Variants in DTWD2 observed in about 807,000 individuals in gnomAD.
DTWD2 encodes the protein tRNA-uridine aminocarboxypropyltransferase 2.
In DTWD2, 39 loss-of-function variants were observed where a neutral mutation model predicts 31.8. That is an observed-to-expected ratio of 1.22 (90% CI 0.95 to 1.60). The LOEUF is 1.60. Among genes scored for constraint, DTWD2 ranks in the 40% most tolerant of loss-of-function variants. DTWD2 has a pLI of 0.00. For synonymous variants in DTWD2, 180 were observed against 142.8 expected (o/e 1.26, Z -1.86); for missense variants, 515 against 381.5 (o/e 1.35, Z -2.92).
At chr5:118,878,460 T>A (rs938411573) in intron 4 of DTWD2, among the ~76,000 whole-genome samples, 15 of 152,204 alleles carry the variant, frequency 9.9e-5, no homozygotes, top group Non-Finnish European at 1.8e-4. Context: ...GCTAGTCATA[T>A]GCAGAAGATT....
At position 118,939,168 on chromosome 5, in the gene DTWD2, A is replaced by G. The variant is rs147646463; in HGVS notation, c.404+28T>C. The G allele has an allele frequency of 5.1e-6, 8 of 1,576,822 alleles. No homozygotes were observed. In the African/African-American group the frequency reaches 9.6e-5, roughly 19 times the overall value. On this transcript the variant is annotated intron_variant, in intron 3 of 5. Coordinates refer to ENST00000510708, the MANE Select transcript of DTWD2 (RefSeq NM_173666.4). ...TTTAAGATCTGTGTAGAAAAGAATTATTTACATTGCCCTAACAGTTAATTT... is the reference window on the plus strand; with the variant it reads ...TTTAAGATCTGTGTAGAAAAGAATTGTTTACATTGCCCTAACAGTTAATTT...
chr5:118,854,474 A>G (rs1449445485), intron 4 of DTWD2, among the ~76,000 whole-genome samples: 1 of 152,134 alleles, frequency 6.6e-6, no homozygotes, highest in Non-Finnish European at 1.5e-5. Flanking sequence ...TCCAAACATT[A>G]TGCCTCAATT....
intron 4 of DTWD2, among the ~76,000 whole-genome samples, chr5:118,925,561 G>A (rs1753791269): frequency 6.6e-6 from 1 of 152,148 alleles, no homozygotes; most frequent in Non-Finnish European, 1.5e-5. Flanking sequence ...AGAACTAAAA[G>A]TAGGCCAGGC....
At chr5:118,948,053 G>T (rs1219797664) in intron 1 of DTWD2, among the ~76,000 whole-genome samples, 1 of 152,088 alleles carries the variant, frequency 6.6e-6, no homozygotes, top group East Asian at 1.9e-4. Flanking sequence ...TCTACTAAAG[G>T]TTAGAAATCA....
At chr5:118,983,285 C>T (rs141567877) in intron 1 of DTWD2, among the ~76,000 whole-genome samples, 1 of 152,330 alleles carries the variant, frequency 6.6e-6, no homozygotes, top group African/African-American at 2.4e-5. Flanking sequence ...GCTTAACCAA[C>T]TGCTGCTCAG....
rs545845060 is a variant in DTWD2 at position 118,949,905 on chromosome 5, T to C, written c.219-5256A>G. Among the ~76,000 whole-genome samples the C allele has an allele frequency of 5.3e-5, 8 of 151,888 alleles. No homozygotes were observed. In the South Asian group the frequency reaches 1.7e-3, roughly 32 times the overall value. On this transcript the variant is annotated intron_variant, in intron 1 of 5. Transcript: ENST00000510708. ...GCACGTGGGGATAACTAAAAAGGAG[T>C]GCACAAAAGAATATTGTCTAAGCGG...
chr5:118,921,908 T>G (rs1753714324), intron 4 of DTWD2, among the ~76,000 whole-genome samples: 1 of 152,232 alleles, frequency 6.6e-6, no homozygotes, highest in African/African-American at 2.4e-5. Context: ...AACAGCTCTA[T>G]GTGGACACAA....
chr5:118,920,266 T>C (rs1753671995), intron 4 of DTWD2, among the ~76,000 whole-genome samples: 1 of 152,116 alleles, frequency 6.6e-6, no homozygotes, highest in East Asian at 1.9e-4. Flanking sequence ...AAAACTGGGG[T>C]ATCATATATA....
chr5:118,968,951 G>A (rs1031900367), intron 1 of DTWD2, among the ~76,000 whole-genome samples: 13 of 152,218 alleles, frequency 8.5e-5, no homozygotes, highest in African/African-American at 2.7e-4. Context: ...GGGCTTGGGA[G>A]TGGGGGCAGC....
At chr5:118,913,752 A>G (rs144767328) in intron 4 of DTWD2, among the ~76,000 whole-genome samples, 82 of 152,154 alleles carry the variant, frequency 5.4e-4, no homozygotes, top group African/African-American at 1.9e-3. Flanking sequence ...TTTAAACACA[A>G]TTTAAATAAC....
intron 4 of DTWD2, among the ~76,000 whole-genome samples, chr5:118,855,041 C>T (rs1490099023): frequency 6.6e-6 from 1 of 151,474 alleles, no homozygotes; most frequent in Non-Finnish European, 1.5e-5. Flanking sequence ...GTGGCATGCA[C>T]CTGTGGTCCC....
At chr5:118,917,715 T>C (rs1753610429) in intron 4 of DTWD2, among the ~76,000 whole-genome samples, 1 of 152,158 alleles carries the variant, frequency 6.6e-6, no homozygotes, top group South Asian at 2.1e-4. Flanking sequence ...CTCATGCCTA[T>C]AATCCCAGCA....
At chr5:118,880,130 C>T (rs183483974) in intron 4 of DTWD2, among the ~76,000 whole-genome samples, 30 of 152,312 alleles carry the variant, frequency 2.0e-4, no homozygotes, top group African/African-American at 6.7e-4. Context: ...GCTCAATTCA[C>T]ATCCAGACTG....
intron 4 of DTWD2, among the ~76,000 whole-genome samples, chr5:118,923,104 G>A (rs1753738543): frequency 6.6e-6 from 1 of 151,206 alleles, no homozygotes; most frequent in Admixed American, 6.6e-5. Flanking sequence ...TCATGTTTTT[G>A]GAAACACTGA....
intron 4 of DTWD2, among the ~76,000 whole-genome samples, chr5:118,924,013 TCA>T (rs1753759519): frequency 6.6e-6 from 1 of 152,184 alleles, no homozygotes; most frequent in Non-Finnish European, 1.5e-5. Context: ...CAGTGTGGCT[TCA>T]CACTAGTCAG....
intron 4 of DTWD2, among the ~76,000 whole-genome samples, chr5:118,910,216 T>C (rs1254504012): frequency 1.3e-5 from 2 of 152,222 alleles, no homozygotes; most frequent in African/African-American, 4.8e-5. Context: ...TTGTTTCTTT[T>C]TGCATTTTAC....
At chr5:118,902,316 T>G (rs1466226936) in intron 4 of DTWD2, among the ~76,000 whole-genome samples, 1 of 152,050 alleles carries the variant, frequency 6.6e-6, no homozygotes, top group Non-Finnish European at 1.5e-5. Context: ...ATAGAATGAG[T>G]AAAATATAAG....
At chr5:118,923,530 A>G (rs1027954282) in intron 4 of DTWD2, among the ~76,000 whole-genome samples, 4 of 152,256 alleles carry the variant, frequency 2.6e-5, no homozygotes, top group African/African-American at 9.6e-5. Flanking sequence ...GGCACTGCGC[A>G]TGCGGGAAAC....
intron 1 of DTWD2, among the ~76,000 whole-genome samples, chr5:118,950,494 G>A (rs1459832230): frequency 6.6e-6 from 1 of 152,208 alleles, no homozygotes; most frequent in Non-Finnish European, 1.5e-5. Flanking sequence ...AAGCCGAGAA[G>A]ATCGGGGAAG....
Sources: allele counts gnomAD v4.1 joint callset (sites outside exome capture counted in the v4.1 genomes callset), GRCh38; gene constraint gnomAD v4.1.1; transcripts MANE v1.5; gene names NCBI Gene and HGNC (gene_info 2026-07-23, HGNC 2026-07-21).